LAMP1: variants seen among roughly 807,000 people sequenced by gnomAD.
The protein encoded by LAMP1 is lysosome-associated membrane glycoprotein 1.
LAMP1 carries 7 observed loss-of-function variants against 37.5 expected under a neutral mutation model. The observed-to-expected ratio is 0.19, with a 90% CI of 0.11 to 0.35. The LOEUF (loss-of-function observed/expected upper bound fraction) is 0.35. Among genes scored for constraint, LAMP1 ranks in the 10% least tolerant of loss-of-function variants. The pLI is 1.00. For synonymous variants in LAMP1, 236 were observed against 229.1 expected, an observed-to-expected ratio of 1.03 and a Z score of -0.27; for missense variants, 537 against 552.8, an observed-to-expected ratio of 0.97 and a Z score of 0.29.
At chr13:113,303,976 T>G (rs2042586145) in intron 1 of LAMP1, among the ~76,000 whole-genome samples, 1 of 152,012 alleles carries the variant, frequency 6.6e-6, no homozygotes, top group Non-Finnish European at 1.5e-5. Flanking sequence ...TCCCAGCTAC[T>G]CAGGAGGCTG....
intron 2 of LAMP1, among the ~76,000 whole-genome samples, chr13:113,307,795 TTA>T (rs1491230869): frequency 1.7e-5 from 2 of 116,792 alleles, no homozygotes; most frequent in Non-Finnish European, 3.5e-5. Context: ...TATCTCTTTT[TTA>T]AAAAAAAAAA....
chr13:113,320,913 T>A lies in LAMP1; in HGVS notation c.876+443T>A, dbSNP rs1201451000. ...ATAATTTTAGCTTTCCAAATCATGCTTTCCTGTGCTGTGATAGCTCCTGCA... is the reference window on the plus strand; with the variant it reads ...ATAATTTTAGCTTTCCAAATCATGCATTCCTGTGCTGTGATAGCTCCTGCA... On this transcript the variant is annotated intron_variant, in intron 6 of 8. Transcript: ENST00000332556. This position sits in a 1 kb window ranked among gnomAD's most constrained non-coding sequence, Gnocchi z 4.4. 4.7e-6 allele frequency: 1 copy of A among 211,996 alleles called. No individual in the cohort carries two copies. The highest frequency in any genetic ancestry group is 2.3e-5 in the African/African-American group (1 of 43,326). 13.1% of individuals were successfully genotyped at this position (211,996 alleles called of 1,614,324 possible).
chr13:113,313,489 C>G (rs1024427776), intron 4 of LAMP1, among the ~76,000 whole-genome samples: 24 of 152,246 alleles, frequency 1.6e-4, no homozygotes, highest in African/African-American at 5.8e-4. Context: ...CAGCCCTGGC[C>G]ACTTGCCCCT....
chr13:113,299,004 G>T (rs1240948338), intron 1 of LAMP1, among the ~76,000 whole-genome samples: 3 of 152,162 alleles, frequency 2.0e-5, no homozygotes, highest in East Asian at 3.9e-4. Flanking sequence ...GCTGGGCATG[G>T]TGGCGCACGC....
At chr13:113,316,749 A>G (rs1479979586) in intron 4 of LAMP1, among the ~76,000 whole-genome samples, 4 of 151,748 alleles carry the variant, frequency 2.6e-5, no homozygotes, top group Admixed American at 6.6e-5. Context: ...TCCTAGGAAC[A>G]GAGTCTGACT....
Position 113,322,447 on chromosome 13 carries a change from G to T in LAMP1, c.*26G>T. The stretch of plus-strand genomic sequence containing the variant: ...CCTGGTGCACGCAGGCACAGCAGCT[G>T]CAGGGGCCTCTGTTCCTTTCTCTGG... On this transcript the variant is annotated 3_prime_UTR_variant, in exon 9 of 9. Coordinates refer to ENST00000332556, the MANE Select transcript of LAMP1 (RefSeq NM_005561.4). 6.3e-7 allele frequency: 1 copy of T among 1,591,180 alleles called. No homozygotes were observed. The highest frequency in any genetic ancestry group is 1.1e-5 in the South Asian group (1 of 89,572).
At position 113,319,389 on chromosome 13, in the gene LAMP1, G is replaced by T. The variant is rs370871129; in HGVS notation, c.563-80G>T. ...CGCCAGAGTCCACAGATGTAGTTTT[G>T]TTTCTGAGTTTGGATCTTACTGTAA... is the stretch of plus-strand genomic sequence containing the variant. On this transcript the variant is annotated intron_variant, in intron 4 of 8. Transcript: ENST00000332556. The T allele has an allele frequency of 2.3e-4, 303 of 1,310,318 alleles. 3 individuals carry two copies. In the African/African-American group the frequency reaches 3.7e-3, roughly 16 times the overall value. The allele number at this position is 1,310,318 out of a possible 1,614,324, so 81.2% of individuals were successfully genotyped here.
Position 113,310,838 on chromosome 13 carries a change from A to G in LAMP1, c.533A>G (p.Tyr178Cys), listed in dbSNP as rs756331260. The G allele has an allele frequency of 4.5e-5, 72 of 1,613,698 alleles. 1 individual carries two copies. Among genetic ancestry groups the G allele is most frequent in the Non-Finnish European group, 5.8e-5 (69 of 1,179,966 alleles). The change falls in exon 4 of 9, where the codon TAC (tyrosine) becomes TGC (cysteine). Residue 178 changes from tyrosine to cysteine, a missense_variant. Coordinates refer to ENST00000332556, the MANE Select transcript of LAMP1 (RefSeq NM_005561.4). ...VTLHDATIQA[Y>C]LSNSSFSRGE... Reference sequence around the variant, plus strand: ...CTCCATGATGCCACCATCCAGGCGTACCTTTCCAACAGCAGCTTCAGCCGG... The same window carrying G: ...CTCCATGATGCCACCATCCAGGCGTGCCTTTCCAACAGCAGCTTCAGCCGG...
intron 4 of LAMP1, among the ~76,000 whole-genome samples, chr13:113,314,426 G>T (rs1204890886): frequency 9.7e-6 from 1 of 103,524 alleles, no homozygotes; most frequent in South Asian, 3.4e-4. Flanking sequence ...GAGGGAGTCA[G>T]TGTGGAGATG....
At position 113,323,422 on chromosome 13, in the gene LAMP1, C is replaced by CT. The variant is rs2042719296; in HGVS notation, c.*1006dup. 1 of 151,566 alleles carries CT rather than the reference C, an allele frequency of 6.6e-6. No individual in the cohort carries two copies. Among genetic ancestry groups the CT allele is most frequent in the African/African-American group, 2.4e-5 (1 of 41,174 alleles). 9.4% of individuals were successfully genotyped at this position (151,566 alleles called of 1,614,324 possible). A position where few individuals can be genotyped will look rare whatever the true frequency, so the allele number is the denominator to read the frequency against. ...TAACAATGTAATAAAAAGCCTCTTT[C>CT]TTTTTGGGGTGGGCCTTGTCCTTCT... On this transcript the variant is annotated 3_prime_UTR_variant, in exon 9 of 9. Coordinates refer to ENST00000332556, the MANE Select transcript of LAMP1 (RefSeq NM_005561.4).
chr13:113,308,394 G>A (rs1383342345), intron 2 of LAMP1, among the ~76,000 whole-genome samples: 9 of 134,168 alleles, frequency 6.7e-5, no homozygotes, highest in Non-Finnish European at 1.1e-4. Context: ...GTACAATGGC[G>A]CGTTCTTGGC....
At chr13:113,307,163 C>CTTT (rs11426559) in intron 2 of LAMP1, among the ~76,000 whole-genome samples, 85 of 137,426 alleles carry the variant, frequency 6.2e-4, no homozygotes, top group Admixed American at 1.2e-3. Context: ...TTCTAGTTTT[C>CTTT]TTTTTTTTTT....
intron 2 of LAMP1, among the ~76,000 whole-genome samples, chr13:113,306,834 C>T (rs78897390): frequency 8.7e-5 from 7 of 80,158 alleles, no homozygotes; most frequent in Admixed American, 2.3e-4. Flanking sequence ...GAACATTTTC[C>T]TTTTTTTTTT....
chr13:113,298,304 G>C (rs928042966), intron 1 of LAMP1, among the ~76,000 whole-genome samples: 1 of 152,108 alleles, frequency 6.6e-6, no homozygotes, highest in Non-Finnish European at 1.5e-5. Context: ...ATATTGTATT[G>C]ACTAGTGAAT....
At chr13:113,306,679 C>G in intron 2 of LAMP1, 73 bp downstream of exon 2, 1 of 1,547,200 alleles carries the variant, frequency 6.5e-7, no homozygotes, top group Non-Finnish European at 8.8e-7. Context: ...TCAACCAAGT[C>G]TTTGAAAAAT....
intron 4 of LAMP1, among the ~76,000 whole-genome samples, chr13:113,312,023 A>G (rs1006197189): frequency 6.6e-6 from 1 of 152,184 alleles, no homozygotes; most frequent in Non-Finnish European, 1.5e-5. Flanking sequence ...ATATGGAGAC[A>G]TCACAGCCTT....
In LAMP1 at chr13:113,320,371, C is replaced by T. The variant is rs2042691255; in HGVS notation, c.777C>T (p.Asn259=). 1.2e-6 allele frequency: 2 copies of T among 1,613,988 alleles called. No individual in the cohort carries two copies. Among genetic ancestry groups the T allele is most frequent in the Non-Finnish European group, 1.7e-6 (2 of 1,180,030 alleles). ...NTTVTRLLNI[N]PNKTSASGSC... ...CGGTGACAAGGCTTCTCAACATCAA[C>T]CCCAACAAGACCTCGGCCAGCGGGA... The change falls in exon 6 of 9, where the codon AAC becomes AAT. Residue 259 remains asparagine (N), a synonymous_variant. Coordinates refer to ENST00000332556, the MANE Select transcript of LAMP1 (RefSeq NM_005561.4). This position sits in a 1 kb window ranked among gnomAD's most constrained non-coding sequence, Gnocchi z 4.4.
chr13:113,308,800 T>A (rs1337828371), intron 2 of LAMP1, among the ~76,000 whole-genome samples: 1 of 152,162 alleles, frequency 6.6e-6, no homozygotes, highest in Non-Finnish European at 1.5e-5. Flanking sequence ...TTTCGTGTTG[T>A]TTTTTGGCCC....
chr13:113,300,102 A>C (rs141430883), intron 1 of LAMP1, among the ~76,000 whole-genome samples: 1 of 152,214 alleles, frequency 6.6e-6, no homozygotes, highest in Non-Finnish European at 1.5e-5. Flanking sequence ...GTGATTGCGT[A>C]ATGTGACCCT....
Sources: allele counts gnomAD v4.1 joint callset (sites outside exome capture counted in the v4.1 genomes callset), GRCh38; gene constraint gnomAD v4.1.1; non-coding constraint Gnocchi (gnomAD v3.1); transcripts MANE v1.5; gene names NCBI Gene and HGNC (gene_info 2026-07-23, HGNC 2026-07-21).